BFSP1: variants seen among roughly 807,000 people sequenced by gnomAD.
BFSP1 encodes filensin.
In BFSP1, 38 loss-of-function variants were observed where a neutral mutation model predicts 43.9. The ratio of observed to expected loss-of-function variants is 0.87; its 90% CI spans 0.67 to 1.14. BFSP1 has a LOEUF of 1.14. Among genes scored for constraint, BFSP1 ranks in the 50% most tolerant of loss-of-function variants. BFSP1 has a pLI of 0.00. For missense variants in BFSP1, 850 were observed against 875.1 expected (o/e 0.97, Z 0.36); for synonymous variants, 352 against 354.8 (o/e 0.99, Z 0.09).
At chr20:17,505,914 C>T (rs2033926238) in intron 5 of BFSP1, among the ~76,000 whole-genome samples, 2 of 152,208 alleles carry the variant, frequency 1.3e-5, no homozygotes, top group African/African-American at 4.8e-5. Context: ...GACCTTTTCC[C>T]CTTGGTGCTA....
intron 2 of BFSP1, among the ~76,000 whole-genome samples, chr20:17,520,419 G>A (rs908099766): frequency 1.8e-4 from 28 of 152,148 alleles, no homozygotes; most frequent in African/African-American, 6.8e-4. Context: ...CCTATTCACA[G>A]GGATCCCAGA....
intron 1 of BFSP1, among the ~76,000 whole-genome samples, chr20:17,546,829 GC>G (rs2034809560): frequency 6.6e-6 from 1 of 151,880 alleles, no homozygotes; most frequent in South Asian, 2.1e-4. Flanking sequence ...TTCGAGACCA[GC>G]CTGGCCAACA....
At chr20:17,520,498 AT>A (rs1244496961) in intron 2 of BFSP1, among the ~76,000 whole-genome samples, 1 of 152,206 alleles carries the variant, frequency 6.6e-6, no homozygotes, top group Non-Finnish European at 1.5e-5. Context: ...GTTAGCTGGA[AT>A]TTAATTAAAA....
chr20:17,562,890 T>C (rs1158676966), upstream of BFSP1: 1 of 152,220 alleles, frequency 6.6e-6, no homozygotes, highest in East Asian at 1.9e-4. Flanking sequence ...TAAGGAATGT[T>C]CAGAATGTAT....
intron 2 of BFSP1, among the ~76,000 whole-genome samples, chr20:17,522,211 C>T (rs766972963): frequency 6.6e-6 from 1 of 152,164 alleles, no homozygotes; most frequent in African/African-American, 2.4e-5. Context: ...ACCACAAATA[C>T]AAAAGACCCC....
At chr20:17,541,488 A>G (rs1468521199) in intron 1 of BFSP1, among the ~76,000 whole-genome samples, 1 of 152,234 alleles carries the variant, frequency 6.6e-6, no homozygotes, top group Non-Finnish European at 1.5e-5. Flanking sequence ...TGTCATCATT[A>G]GAGGAAATAT....
chr20:17,545,244 G>A (rs1015147931), intron 1 of BFSP1, among the ~76,000 whole-genome samples: 3 of 152,176 alleles, frequency 2.0e-5, no homozygotes, highest in African/African-American at 7.2e-5. Context: ...TGACACTGGG[G>A]GTAGGGTTTG....
At chr20:17,562,388 G>A (rs913861983), upstream of BFSP1, among the ~76,000 whole-genome samples, 7 of 151,660 alleles carry the variant, frequency 4.6e-5, no homozygotes, top group South Asian at 2.1e-4. Context: ...TTAGCCAGGC[G>A]TGGTGGCACG....
chr20:17,528,911 G>C (rs889356009), intron 1 of BFSP1, among the ~76,000 whole-genome samples: 2 of 152,160 alleles, frequency 1.3e-5, no homozygotes, highest in African/African-American at 2.4e-5. Flanking sequence ...CTATGCCAAG[G>C]GTTCCCAAAT....
At chr20:17,533,282 A>G (rs2123543720), upstream of BFSP1, among the ~76,000 whole-genome samples, 1 of 152,358 alleles carries the variant, frequency 6.6e-6, no homozygotes, top group Middle Eastern at 3.4e-3. Flanking sequence ...GTAGGTGCAC[A>G]TATACCATGC....
chr20:17,499,554 C>A (rs945061938), intron 5 of BFSP1, among the ~76,000 whole-genome samples: 2 of 151,956 alleles, frequency 1.3e-5, no homozygotes, highest in Non-Finnish European at 1.5e-5. Context: ...GCCCTTCTTG[C>A]ACTAATATCA....
chr20:17,560,459 G>A (rs774854097), upstream of BFSP1: 10 of 152,072 alleles, frequency 6.6e-5, no homozygotes, highest in Non-Finnish European at 1.0e-4. Context: ...AGGGAACTTG[G>A]GCCAAGTTTA....
At chr20:17,510,067 C>CT (rs2034040534) in intron 4 of BFSP1, among the ~76,000 whole-genome samples, 1 of 152,336 alleles carries the variant, frequency 6.6e-6, no homozygotes, top group East Asian at 1.9e-4. Flanking sequence ...AAGTGACCGT[C>CT]TAACTTGATT....
At chr20:17,515,667 G>A (rs2123496216) in intron 2 of BFSP1, among the ~76,000 whole-genome samples, 1 of 152,286 alleles carries the variant, frequency 6.6e-6, no homozygotes, top group South Asian at 2.1e-4. Context: ...ATGTCCAGAA[G>A]TGACTTATAT....
At chr20:17,531,482 C>G (rs917344149), upstream of BFSP1, 3 of 1,101,840 alleles carry the variant, frequency 2.7e-6, no homozygotes, top group Non-Finnish European at 3.4e-6. Flanking sequence ...ACGCTGGGCC[C>G]GGGCGCGGGA....
rs574919601 is a variant in BFSP1 at position 17,545,068 on chromosome 20, A to G, written c.2+13620T>C. Among the ~76,000 whole-genome samples the G allele has an allele frequency of 3.9e-5, 6 of 152,328 alleles. No homozygotes were observed. The Middle Eastern group carries it at 0.01, about 259-fold the overall frequency. ...CTAACCTCTCATTCTTGGGCTCTCA[A>G]TGCAATAGAAATTGACATGAGGACA... On this transcript the variant is annotated intron_variant, in intron 1 of 7. Coordinates refer to the BFSP1 transcript ENST00000377868.
chr20:17,521,657 C>T (rs1383189148), intron 2 of BFSP1, among the ~76,000 whole-genome samples: 1 of 152,200 alleles, frequency 6.6e-6, no homozygotes, highest in African/African-American at 2.4e-5. Context: ...CCAGTGTTCA[C>T]CTGGCCCTGC....
intron 1 of BFSP1, among the ~76,000 whole-genome samples, chr20:17,568,564 T>C (rs996671235): frequency 1.3e-5 from 2 of 152,092 alleles, no homozygotes; most frequent in African/African-American, 4.8e-5. Flanking sequence ...TTAGAAGCAG[T>C]GAGGGAACCT....
At chr20:17,557,459 G>GC (rs1216623855) in intron 1 of BFSP1, among the ~76,000 whole-genome samples, 1 of 152,066 alleles carries the variant, frequency 6.6e-6, no homozygotes, top group Non-Finnish European at 1.5e-5. Context: ...AGCTTTCTCT[G>GC]CCCCCCTATG....
Sources: gnomAD v4.1 joint callset for allele counts (sites outside exome capture counted in the v4.1 genomes callset) on GRCh38, gnomAD v4.1.1 for gene constraint, MANE v1.5 for transcripts, NCBI Gene and HGNC (gene_info 2026-07-23, HGNC 2026-07-21) for gene names.